TMEM131: variants seen among roughly 807,000 people sequenced by gnomAD.
TMEM131 encodes the protein transmembrane protein 131.
A neutral mutation model predicts 211.6 loss-of-function variants in TMEM131; 66 were observed. The ratio of observed to expected loss-of-function variants is 0.31; its 90% CI spans 0.26 to 0.38. TMEM131 has a LOEUF of 0.38. TMEM131 is among the 10% of genes least tolerant of loss of function. The pLI is 1.00. For synonymous variants in TMEM131, 844 were observed against 841.3 expected (o/e 1.00, Z -0.06); for missense variants, 2,036 against 2,299.3 (o/e 0.89, Z 2.34).
intron 10 of TMEM131, among the ~76,000 whole-genome samples, chr2:97,833,643 C>G (rs1489277199): frequency 7.2e-6 from 1 of 138,494 alleles, no homozygotes; most frequent in African/African-American, 2.8e-5. Context: ...TTGAAAACCC[C>G]AAAATATATA....
intron 1 of TMEM131, among the ~76,000 whole-genome samples, chr2:97,992,330 C>T (rs989451263): frequency 1.3e-5 from 2 of 152,292 alleles, no homozygotes; most frequent in Admixed American, 6.5e-5. Context: ...TTTGTAAATA[C>T]TTTTGTACTG....
At chr2:97,808,683 C>T (rs1033590130) in intron 19 of TMEM131, among the ~76,000 whole-genome samples, 2 of 152,168 alleles carry the variant, frequency 1.3e-5, no homozygotes, top group African/African-American at 2.4e-5. Flanking sequence ...ATCTCTCATC[C>T]GTTTCCTAGA....
At chr2:97,923,777 C>G (rs10211231) in intron 2 of TMEM131, among the ~76,000 whole-genome samples, 114,129 of 151,938 alleles carry the variant, frequency 0.75, 44,562 homozygotes, top group African/African-American at 0.87. Context: ...TTTTTCCTGA[C>G]CTTTATCTTC....
intron 1 of TMEM131, among the ~76,000 whole-genome samples, chr2:97,960,210 T>C (rs920916689): frequency 1.3e-5 from 2 of 152,202 alleles, no homozygotes; most frequent in South Asian, 4.1e-4. Context: ...TCTTTACCAA[T>C]AATTTTTAGC....
chr2:97,911,611 G>A (rs1676296971), intron 2 of TMEM131: 12 of 984,850 alleles, frequency 1.2e-5, no homozygotes, highest in Admixed American at 6.2e-5. Context: ...TTACTCATAC[G>A]AAGACTCACA....
intron 31 of TMEM131, among the ~76,000 whole-genome samples, chr2:97,789,783 T>TA (rs1213231705): frequency 6.6e-6 from 1 of 152,134 alleles, no homozygotes; most frequent in Non-Finnish European, 1.5e-5. Context: ...GTTTAAGTGT[T>TA]AGAGGGGGGA....
At chr2:97,907,025 G>A (rs1016760237) in intron 3 of TMEM131, 2 of 152,198 alleles carry the variant, frequency 1.3e-5, no homozygotes, top group African/African-American at 4.8e-5. Context: ...CTTCGTAAAT[G>A]TAGTGCAGTC....
At chr2:97,880,121 T>C (rs935146250) in intron 4 of TMEM131, among the ~76,000 whole-genome samples, 2 of 146,868 alleles carry the variant, frequency 1.4e-5, no homozygotes, top group African/African-American at 5.2e-5. Context: ...CTTTCCTATA[T>C]GTATGAAAAC....
intron 3 of TMEM131, among the ~76,000 whole-genome samples, chr2:97,894,545 C>T (rs1675521112): frequency 6.6e-6 from 1 of 152,170 alleles, no homozygotes; most frequent in South Asian, 2.1e-4. Context: ...TTTGTGTCCT[C>T]TCTTAATTTC....
rs375057817 is a variant in TMEM131 at position 97,812,615 on chromosome 2, T to C, written c.1728+24A>G. 2.5e-5 allele frequency: 39 copies of C among 1,580,714 alleles called. No homozygotes were observed. The African/African-American group carries it at 2.9e-4, about 12-fold the overall frequency. On this transcript the variant is annotated intron_variant, in intron 16 of 40. Coordinates refer to ENST00000186436, the MANE Select transcript of TMEM131 (RefSeq NM_015348.2). ...ACAAGCATAAAATCCTTAAATGTGA[T>C]TTAGAATAAAAACAGGTTTTTACCT...
chr2:97,824,099 CTTG>C (rs1473051518), intron 11 of TMEM131, among the ~76,000 whole-genome samples: 4 of 152,196 alleles, frequency 2.6e-5, no homozygotes, highest in African/African-American at 9.7e-5. Context: ...CCTGGTAGGG[CTTG>C]TTATCAGTGT....
chr2:97,897,587 G>A (rs1306756317), intron 3 of TMEM131, among the ~76,000 whole-genome samples: 1 of 151,996 alleles, frequency 6.6e-6, no homozygotes, highest in Non-Finnish European at 1.5e-5. Context: ...TGCATTCCTA[G>A]GATAAAACCC....
intron 1 of TMEM131, among the ~76,000 whole-genome samples, chr2:97,983,767 A>G (rs1202695546): frequency 1.3e-5 from 2 of 151,920 alleles, no homozygotes. Context: ...TTTCATTTCT[A>G]TGTTCGTCCC....
At chr2:97,759,260 A>G (rs1339056783) in intron 39 of TMEM131, 3 of 599,644 alleles carry the variant, frequency 5.0e-6, no homozygotes, top group Admixed American at 6.0e-5. Flanking sequence ...TATGCCACCA[A>G]TGACATCCAA....
chr2:97,985,474 A>G (rs146766561), intron 1 of TMEM131, among the ~76,000 whole-genome samples: 1 of 152,116 alleles, frequency 6.6e-6, no homozygotes, highest in East Asian at 1.9e-4. Context: ...GTAACCAAAA[A>G]GCAAATAGCA....
At chr2:97,939,482 T>C (rs1047263154) in intron 1 of TMEM131, among the ~76,000 whole-genome samples, 6 of 152,166 alleles carry the variant, frequency 3.9e-5, no homozygotes, top group Non-Finnish European at 5.9e-5. Flanking sequence ...CAGAAAGAAG[T>C]TGAATCCCTG....
At chr2:97,787,539 C>A (rs573272696) in intron 31 of TMEM131, among the ~76,000 whole-genome samples, 2 of 152,334 alleles carry the variant, frequency 1.3e-5, no homozygotes, top group South Asian at 4.1e-4. Flanking sequence ...TCCTGGACCT[C>A]CCATTGTCTG....
At chr2:97,824,667 A>C (rs545952885) in intron 11 of TMEM131, among the ~76,000 whole-genome samples, 22 of 152,346 alleles carry the variant, frequency 1.4e-4, no homozygotes, top group African/African-American at 4.8e-4. Flanking sequence ...AAGTCTCTGC[A>C]TTGGAAGGAC....
intron 11 of TMEM131, among the ~76,000 whole-genome samples, chr2:97,825,437 A>G (rs1682332655): frequency 6.6e-6 from 1 of 152,160 alleles, no homozygotes; most frequent in African/African-American, 2.4e-5. Context: ...TCCTCACCCT[A>G]AGACAAAACA....
Sources: allele counts gnomAD v4.1 joint callset (sites outside exome capture counted in the v4.1 genomes callset), GRCh38; gene constraint gnomAD v4.1.1; transcripts MANE v1.5; gene names NCBI Gene and HGNC (gene_info 2026-07-23, HGNC 2026-07-21).